SGMS1: variants seen among roughly 807,000 people sequenced by gnomAD.
SGMS1 encodes sphingomyelin synthase 1.
In SGMS1, 13 loss-of-function variants were observed where a neutral mutation model predicts 46.2. The observed-to-expected ratio is 0.28, with a 90% CI of 0.18 to 0.45. SGMS1 has a LOEUF of 0.45. SGMS1 is among the 20% of genes least tolerant of loss of function. SGMS1 has a pLI of 1.00. For missense variants in SGMS1, 324 were observed against 519.9 expected (o/e 0.62, Z 3.66); for synonymous variants, 203 against 187.8 (o/e 1.08, Z -0.66).
chr10:50,560,234 C>T (rs1410234248), intron 2 of SGMS1, among the ~76,000 whole-genome samples: 1 of 139,932 alleles, frequency 7.1e-6, no homozygotes, highest in Admixed American at 7.3e-5. Context: ...TAATATATAA[C>T]ATAATATTAT....
At chr10:50,491,993 G>A (rs192456206) in intron 3 of SGMS1, among the ~76,000 whole-genome samples, 6 of 152,230 alleles carry the variant, frequency 3.9e-5, no homozygotes, top group Non-Finnish European at 7.3e-5. Context: ...TTCATCCCTG[G>A]GATGCAAGGT....
intron 3 of SGMS1, among the ~76,000 whole-genome samples, chr10:50,480,495 A>G (rs1240498838): frequency 6.6e-6 from 1 of 152,036 alleles, no homozygotes; most frequent in Non-Finnish European, 1.5e-5. Context: ...AGAGTGAGGA[A>G]AAGCAGGGTG....
intron 5 of SGMS1, among the ~76,000 whole-genome samples, chr10:50,443,825 CATAT>C (rs1405491027): frequency 6.6e-6 from 1 of 151,856 alleles, no homozygotes; most frequent in African/African-American, 2.4e-5. Context: ...TAGTTTGTGA[CATAT>C]ATAGATATAA....
intron 7 of SGMS1, chr10:50,334,911 G>C (rs1384762362): frequency 6.6e-6 from 1 of 152,284 alleles, no homozygotes; most frequent in Non-Finnish European, 1.5e-5. Context: ...GGTCAGAGAA[G>C]GTCTACCTCT....
At chr10:50,495,917 C>A (rs1251893539) in intron 3 of SGMS1, among the ~76,000 whole-genome samples, 2 of 152,144 alleles carry the variant, frequency 1.3e-5, no homozygotes, top group Non-Finnish European at 2.9e-5. Context: ...GGAGGATTTT[C>A]ACTTTCGGCA....
At chr10:50,370,100 G>T (rs1293734423) in intron 6 of SGMS1, among the ~76,000 whole-genome samples, 1 of 152,162 alleles carries the variant, frequency 6.6e-6, no homozygotes, top group Non-Finnish European at 1.5e-5. Context: ...CGCAGGACTG[G>T]AAGTTGCTCT....
At chr10:50,508,098 C>G (rs1837723100) in intron 3 of SGMS1, among the ~76,000 whole-genome samples, 1 of 152,208 alleles carries the variant, frequency 6.6e-6, no homozygotes, top group African/African-American at 2.4e-5. Context: ...TATGGGCTCC[C>G]CAAAGGTGCT....
intron 8 of SGMS1, among the ~76,000 whole-genome samples, chr10:50,317,915 T>G (rs967844270): frequency 6.6e-6 from 1 of 151,576 alleles, no homozygotes; most frequent in African/African-American, 2.4e-5. Flanking sequence ...GCAATTCTCC[T>G]GCCTCAGCCT....
In SGMS1 at chr10:50,540,646, T is replaced by C. The variant is rs534371220; in HGVS notation, c.-588-20725A>G. On this transcript the variant is annotated intron_variant, in intron 2 of 10. Transcript: ENST00000361781. ...GAGAGGAAAGTGGAAGTGAATGCTA[T>C]CTCAGAGAAACCAAAACTAAGCCAC... Among the ~76,000 whole-genome samples, 19 of 152,228 alleles carry C rather than the reference T, an allele frequency of 1.2e-4. 1 individual carries two copies. The South Asian group carries it at 3.7e-3, about 30-fold the overall frequency.
At chr10:50,460,248 C>A (rs1411510724) in intron 5 of SGMS1, 1 of 152,176 alleles carries the variant, frequency 6.6e-6, no homozygotes, top group Non-Finnish European at 1.5e-5. Flanking sequence ...CAATCTGATA[C>A]AACCACATCC....
chr10:50,492,759 T>C (rs577004573), intron 3 of SGMS1, among the ~76,000 whole-genome samples: 1 of 152,314 alleles, frequency 6.6e-6, no homozygotes, highest in East Asian at 1.9e-4. Context: ...GCTTTCCTAT[T>C]AAACCACCAT....
chr10:50,575,061 G>A (rs938441962), intron 2 of SGMS1, among the ~76,000 whole-genome samples: 7 of 148,356 alleles, frequency 4.7e-5, no homozygotes, highest in African/African-American at 7.3e-5. Flanking sequence ...AAGACGTTAT[G>A]TTAAGTGAAA....
chr10:50,578,183 C>T (rs1466947359), intron 2 of SGMS1, among the ~76,000 whole-genome samples: 3 of 152,202 alleles, frequency 2.0e-5, no homozygotes, highest in Non-Finnish European at 4.4e-5. Context: ...TACCTGTTCT[C>T]TGATGGTCTG....
At chr10:50,537,745 T>G (rs1403603856) in intron 2 of SGMS1, among the ~76,000 whole-genome samples, 12 of 152,030 alleles carry the variant, frequency 7.9e-5, no homozygotes, top group Non-Finnish European at 1.5e-5. Flanking sequence ...AGTGGAACAG[T>G]AGCTGCTTAG....
chr10:50,353,980 A>G (rs11005321), intron 6 of SGMS1, among the ~76,000 whole-genome samples: 32,452 of 151,492 alleles, frequency 0.21, 3,205 homozygotes, highest in East Asian at 0.26. Flanking sequence ...GCTCATGGGT[A>G]GGAAGAATCA....
chr10:50,390,351 T>C (rs1483982479), intron 6 of SGMS1, among the ~76,000 whole-genome samples: 1 of 152,266 alleles, frequency 6.6e-6, no homozygotes, highest in African/African-American at 2.4e-5. Flanking sequence ...ATTTATTTTC[T>C]TTTATGCTTT....
rs373744184 is a variant in SGMS1 at position 50,387,529 on chromosome 10, T to G, written c.-231-43184A>C. On this transcript the variant is annotated intron_variant, in intron 6 of 10. Coordinates refer to ENST00000361781, the MANE Select transcript of SGMS1 (RefSeq NM_147156.4). ...TCAGGCAATACAGAAATACAGAAAG[T>G]TAAATACATAGACAGACAGATAAAC... Among the ~76,000 whole-genome samples the G allele has an allele frequency of 5.9e-5, 9 of 152,262 alleles. 1 individual carries two copies. The highest frequency in any genetic ancestry group is 6.5e-5 in the Admixed American group (1 of 15,290).
At chr10:50,620,860 C>T (rs771538431) in intron 1 of SGMS1, among the ~76,000 whole-genome samples, 1 of 152,114 alleles carries the variant, frequency 6.6e-6, no homozygotes, top group South Asian at 2.1e-4. Flanking sequence ...CATTTGACAT[C>T]CAACAGGAGC....
intron 2 of SGMS1, among the ~76,000 whole-genome samples, chr10:50,560,619 G>A (rs1838228761): frequency 6.9e-6 from 1 of 145,672 alleles, no homozygotes. Flanking sequence ...CACAATATAT[G>A]TAATATAGTA....
Sources: gnomAD v4.1 joint callset for allele counts (sites outside exome capture counted in the v4.1 genomes callset) on GRCh38, gnomAD v4.1.1 for gene constraint, MANE v1.5 for transcripts, NCBI Gene and HGNC (gene_info 2026-07-23, HGNC 2026-07-21) for gene names.